The following MAGI2 variants were observed in gnomAD, a reference collection of about 807,000 sequenced individuals.
MAGI2 encodes the protein membrane-associated guanylate kinase, WW and PDZ domain-containing protein 2.
A neutral mutation model predicts 133.3 loss-of-function variants in MAGI2; 35 were observed. That is an observed-to-expected ratio of 0.26 (90% CI 0.20 to 0.35). The LOEUF (loss-of-function observed/expected upper bound fraction) is 0.35, where lower values mean the gene tolerates loss of function less well. Among genes scored for constraint, MAGI2 ranks in the 10% least tolerant of loss-of-function variants. The pLI, the probability that MAGI2 is intolerant of heterozygous loss-of-function variation, is 1.00. For synonymous variants in MAGI2, 729 were observed against 710.6 expected (o/e 1.03, Z -0.41); for missense variants, 1,636 against 1,863.4 (o/e 0.88, Z 2.25).
intron 1 of MAGI2, among the ~76,000 whole-genome samples, chr7:79,155,614 A>C (rs950573956): frequency 8.5e-5 from 13 of 152,136 alleles, no homozygotes; most frequent in African/African-American, 3.1e-4. Context: ...GGTGAGATCT[A>C]AGAAAAAGGC....
intron 9 of MAGI2, among the ~76,000 whole-genome samples, chr7:78,296,914 T>C (rs977944749): frequency 1.3e-5 from 2 of 152,180 alleles, no homozygotes; most frequent in Non-Finnish European, 2.9e-5. Context: ...CAAGGAGTGC[T>C]TTTTTACACA....
chr7:78,755,677 G>C (rs1175789059), intron 2 of MAGI2, among the ~76,000 whole-genome samples: 1 of 152,212 alleles, frequency 6.6e-6, no homozygotes, highest in Non-Finnish European at 1.5e-5. Context: ...TGATGGTATG[G>C]TTGGTGGAAC....
At chr7:79,136,842 G>A (rs1022705145) in intron 1 of MAGI2, among the ~76,000 whole-genome samples, 3 of 152,180 alleles carry the variant, frequency 2.0e-5, no homozygotes, top group Non-Finnish European at 4.4e-5. Flanking sequence ...GCACAAGGCA[G>A]GAGTAATAAC....
intron 1 of MAGI2, among the ~76,000 whole-genome samples, chr7:79,435,197 C>A (rs1037129363): frequency 6.6e-6 from 1 of 152,100 alleles, no homozygotes. Flanking sequence ...CTTTGTAGAA[C>A]CTTAATGTGT....
chr7:78,835,333 G>C (rs774965406), intron 2 of MAGI2, among the ~76,000 whole-genome samples: 7 of 152,166 alleles, frequency 4.6e-5, no homozygotes, highest in Admixed American at 6.5e-5. Flanking sequence ...TGAATATAAA[G>C]TAATTACATA....
At chr7:79,153,277 T>C (rs1441322397) in intron 1 of MAGI2, among the ~76,000 whole-genome samples, 1 of 152,212 alleles carries the variant, frequency 6.6e-6, no homozygotes, top group Non-Finnish European at 1.5e-5. Flanking sequence ...TTTAGTTACA[T>C]GCTTGGCAAC....
chr7:79,375,867 C>T (rs10452985), intron 1 of MAGI2, among the ~76,000 whole-genome samples: 21,087 of 151,650 alleles, frequency 0.14, 1,570 homozygotes, highest in South Asian at 0.25. Flanking sequence ...TACCTTTTTT[C>T]AAATTAATTG....
chr7:78,860,984 G>C (rs569153200), intron 2 of MAGI2, among the ~76,000 whole-genome samples: 1 of 152,154 alleles, frequency 6.6e-6, no homozygotes, highest in East Asian at 1.9e-4. Flanking sequence ...GTTGCAGTTC[G>C]ATCTCAGACT....
chr7:78,141,419 G>A (rs1822735980), intron 16 of MAGI2, among the ~76,000 whole-genome samples: 1 of 152,146 alleles, frequency 6.6e-6, no homozygotes, highest in Non-Finnish European at 1.5e-5. Context: ...CATTCAGATA[G>A]ATATTGTCCC....
intron 21 of MAGI2, among the ~76,000 whole-genome samples, chr7:78,053,733 TG>T (rs1472331954): frequency 5.9e-5 from 9 of 152,158 alleles, no homozygotes; most frequent in African/African-American, 2.2e-4. Flanking sequence ...GCCCATTTAT[TG>T]GGGTGGGTGG....
At chr7:79,101,568 C>CA (rs1455674372) in intron 1 of MAGI2, among the ~76,000 whole-genome samples, 1 of 151,758 alleles carries the variant, frequency 6.6e-6, no homozygotes, top group African/African-American at 2.4e-5. Flanking sequence ...ACTAAAAATA[C>CA]AAAAAATTAG....
chr7:78,070,218 TACACAC>T (rs374567182), intron 21 of MAGI2, among the ~76,000 whole-genome samples: 860 of 51,950 alleles, frequency 0.017, 9 homozygotes, highest in Non-Finnish European at 0.029. Flanking sequence ...TATATATATA[TACACAC>T]ACACACACAG....
intron 4 of MAGI2, among the ~76,000 whole-genome samples, chr7:78,513,384 G>A (rs1795770359): frequency 6.6e-6 from 1 of 151,998 alleles, no homozygotes; most frequent in South Asian, 2.1e-4. Flanking sequence ...GAGACCTTAT[G>A]CCCTCTTCAA....
intron 3 of MAGI2, among the ~76,000 whole-genome samples, chr7:78,610,114 G>A (rs992323345): frequency 6.6e-6 from 1 of 152,058 alleles, no homozygotes; most frequent in Non-Finnish European, 1.5e-5. Context: ...TCTTGGCTAT[G>A]GGAGAAATGG....
chr7:79,170,015 CAAAT>C (rs995656567), intron 1 of MAGI2, among the ~76,000 whole-genome samples: 13 of 150,474 alleles, frequency 8.6e-5, no homozygotes, highest in Admixed American at 8.6e-4. Context: ...ATTTGGAAGA[CAAAT>C]AACTGAAATA....
chr7:79,003,310 A>G (rs1474324783), intron 2 of MAGI2, among the ~76,000 whole-genome samples: 2 of 152,182 alleles, frequency 1.3e-5, no homozygotes, highest in African/African-American at 4.8e-5. Context: ...AGTTGGTGGT[A>G]GAGTAATGTA....
intron 6 of MAGI2, among the ~76,000 whole-genome samples, chr7:78,433,635 TTC>T (rs1236798373): frequency 6.6e-6 from 1 of 151,956 alleles, no homozygotes; most frequent in Admixed American, 6.6e-5. Flanking sequence ...AAAGAGTGTT[TTC>T]TGTTTTATTT....
At chr7:78,658,232 G>GC (rs1404151903) in intron 2 of MAGI2, among the ~76,000 whole-genome samples, 5 of 152,144 alleles carry the variant, frequency 3.3e-5, no homozygotes, top group African/African-American at 7.2e-5. Context: ...GAAAGGAAGA[G>GC]CTTTTTCAAC....
rs1585250538 is a variant in MAGI2, at chr7:79,225,611, T to C, written c.302-218405A>G. On this transcript the variant is annotated intron_variant, in intron 1 of 21. Transcript: ENST00000354212. ...ATAAAACATCCTAAAGTTTGTAAAA[T>C]ATATCACAGCAGTTAATGTTGTAAT... Among the ~76,000 whole-genome samples, 3 of 152,210 alleles carry C rather than the reference T, an allele frequency of 2.0e-5. No homozygotes were observed. The East Asian group carries it at 5.8e-4, about 29-fold the overall frequency.
Sources: gnomAD v4.1 joint callset for allele counts (sites outside exome capture counted in the v4.1 genomes callset) on GRCh38, gnomAD v4.1.1 for gene constraint, MANE v1.5 for transcripts, NCBI Gene and HGNC (gene_info 2026-07-23, HGNC 2026-07-21) for gene names.